Variants in ARHGAP20 observed in about 807,000 individuals in gnomAD.
ARHGAP20 encodes rho GTPase-activating protein 20.
ARHGAP20 carries 34 observed loss-of-function variants against 73.7 expected under a neutral mutation model. The ratio of observed to expected loss-of-function variants is 0.46; its 90% CI spans 0.35 to 0.61. ARHGAP20 has a LOEUF of 0.61. Among genes scored for constraint, ARHGAP20 ranks in the 20% least tolerant of loss-of-function variants. The pLI is 0.00. For missense variants in ARHGAP20, 1,314 were observed against 1,420.9 expected, an observed-to-expected ratio of 0.92 and a Z score of 1.21; for synonymous variants, 523 against 518.2, an observed-to-expected ratio of 1.01 and a Z score of -0.13.
chr11:110,669,851 A>G (rs1949794325), intron 2 of ARHGAP20, among the ~76,000 whole-genome samples: 1 of 152,188 alleles, frequency 6.6e-6, no homozygotes, highest in South Asian at 2.1e-4. Context: ...ACACACAAAT[A>G]CTTGTACATG....
chr11:110,609,623 G>A (rs1948319231), intron 7 of ARHGAP20, among the ~76,000 whole-genome samples: 1 of 152,072 alleles, frequency 6.6e-6, no homozygotes. Flanking sequence ...TTCACTAGCA[G>A]AATTATAATC....
At chr11:110,693,177 T>C (rs139129687) in intron 1 of ARHGAP20, among the ~76,000 whole-genome samples, 25 of 152,128 alleles carry the variant, frequency 1.6e-4, no homozygotes, top group Admixed American at 5.9e-4. Flanking sequence ...AATTGTCAGA[T>C]GTATAATGGG....
rs538912782 is a variant in ARHGAP20 at position 110,626,295 on chromosome 11, GA to G, written c.354-1985del. ...GGGAACATCCACATCCGTTGACCTGGAAAAAAAGTCATCCCAAAGATCCTTT... is the reference window on the plus strand; with the variant it reads ...GGGAACATCCACATCCGTTGACCTGGAAAAAAGTCATCCCAAAGATCCTTT... On this transcript the variant is annotated intron_variant, in intron 3 of 14. Coordinates refer to ENST00000683387, the MANE Select transcript of ARHGAP20 (RefSeq NM_001384657.1). Among the ~76,000 whole-genome samples, 4 of 152,122 alleles carry G rather than the reference GA, an allele frequency of 2.6e-5. No individual in the cohort carries two copies. In the East Asian group the frequency reaches 7.7e-4, roughly 29 times the overall value.
intron 9 of ARHGAP20, among the ~76,000 whole-genome samples, chr11:110,603,246 A>T (rs1202552618): frequency 2.6e-5 from 4 of 152,198 alleles, no homozygotes; most frequent in Non-Finnish European, 5.9e-5. Context: ...ATGGCTCAGC[A>T]CTGCTAGAGT....
chr11:110,693,125 C>G (rs1397752384), intron 1 of ARHGAP20, among the ~76,000 whole-genome samples: 2 of 152,028 alleles, frequency 1.3e-5, no homozygotes, highest in South Asian at 4.2e-4. Flanking sequence ...TGTAGAAGAT[C>G]ATTTGTATAA....
Position 110,599,444 on chromosome 11 carries a change from C to A in ARHGAP20, c.964+7117G>T, listed in dbSNP as rs547212460. 1.1e-4 allele frequency among the ~76,000 whole-genome samples: 16 copies of A among 152,342 alleles called. No individual in the cohort carries two copies. In the South Asian group the frequency reaches 1.9e-3, roughly 18 times the overall value. On this transcript the variant is annotated intron_variant, in intron 9 of 14. Transcript: ENST00000683387. Reference sequence around the variant, plus strand: ...GCATAGGAGGGAAGCCGATCGGGGGCTGAGGCAGCTCGGTGCTGGCCTGCA... The same window carrying A: ...GCATAGGAGGGAAGCCGATCGGGGGATGAGGCAGCTCGGTGCTGGCCTGCA...
intron 2 of ARHGAP20, among the ~76,000 whole-genome samples, chr11:110,682,673 C>T (rs901701925): frequency 2.6e-5 from 4 of 151,968 alleles, no homozygotes; most frequent in Non-Finnish European, 4.4e-5. Flanking sequence ...ACAAGCTTGA[C>T]ATTAATAGAT....
In ARHGAP20 at chr11:110,641,975, A is replaced by G. The variant is rs557478334; in HGVS notation, c.189-11183T>C. On this transcript the variant is annotated intron_variant, in intron 2 of 14. Transcript: ENST00000683387. Reference sequence around the variant, plus strand: ...TTCTGTTAGTTTGTTTATGGATTCAACAATGAACAAGGTCATCAATATGCT... The same window carrying G: ...TTCTGTTAGTTTGTTTATGGATTCAGCAATGAACAAGGTCATCAATATGCT... 8.5e-5 allele frequency among the ~76,000 whole-genome samples: 13 copies of G among 152,240 alleles called. No individual in the cohort carries two copies. In the South Asian group the frequency reaches 2.5e-3, roughly 29 times the overall value.
rs1400918009 is a variant in ARHGAP20 at position 110,578,113 on chromosome 11, A to AGAT, written c.*1254_*1256dup. ...CCTGATAATCTATTCCTAGGTGACG[A>AGAT]GATGTACTGCTGCAACCTTTAAGTC... On this transcript the variant is annotated 3_prime_UTR_variant, in exon 15 of 15. Transcript: ENST00000683387. The AGAT allele has an allele frequency of 1.8e-5, 18 of 985,370 alleles. No homozygotes were observed. The highest frequency in any genetic ancestry group is 2.2e-5 in the Non-Finnish European group (18 of 829,970). 61.0% of individuals were successfully genotyped at this position (985,370 alleles called of 1,614,324 possible).
Position 110,712,127 on chromosome 11 carries a change from C to A in ARHGAP20, c.105G>T (p.Lys35Asn). ...SRLAGGSCTK[K>N]KMKTLAERRR... The stretch of plus-strand genomic sequence containing the variant: ...ACGGGCCCCCGCTCAGCGTCCTCAC[C>A]TTCTTGGTGCAGCTGCCTCCCGCGA... The change falls in exon 1 of 15, where the codon AAG (lysine) becomes AAT (asparagine). Residue 35 changes from lysine (K) to asparagine (N), a missense_variant and splice_region_variant. This residue lies in a region of ARHGAP20 where 443 missense variants were observed against 466.4 expected (regional missense o/e 0.95). Transcript: ENST00000683387. The A allele has an allele frequency of 7.4e-7, 1 of 1,348,644 alleles. No individual in the cohort carries two copies. The highest frequency in any genetic ancestry group is 9.6e-7 in the Non-Finnish European group (1 of 1,046,170). 83.5% of individuals were successfully genotyped at this position (1,348,644 alleles called of 1,614,324 possible). A position where few individuals can be genotyped will look rare whatever the true frequency, so the allele number is the denominator to read the frequency against.
Position 110,579,160 on chromosome 11 carries a change from G to T in ARHGAP20, c.*210C>A. 8.1e-7 allele frequency: 1 copy of T among 1,232,658 alleles called. No individual in the cohort carries two copies. Among genetic ancestry groups the T allele is most frequent in the Non-Finnish European group, 1.0e-6 (1 of 981,796 alleles). The allele number at this position is 1,232,658 out of a possible 1,614,324, so 76.4% of individuals were successfully genotyped here. A position where few individuals can be genotyped will look rare whatever the true frequency, so the allele number is the denominator to read the frequency against. On this transcript the variant is annotated 3_prime_UTR_variant, in exon 15 of 15. Transcript: ENST00000683387. ...CAATCCCAACCTTTAATAAGAAAAAGCCTCCCAAACACTTAGGTGACAAAA... is the reference window on the plus strand; with the variant it reads ...CAATCCCAACCTTTAATAAGAAAAATCCTCCCAAACACTTAGGTGACAAAA...
chr11:110,583,721 G>A lies in ARHGAP20; in HGVS notation c.1432C>T (p.Pro478Ser). 6.3e-7 allele frequency: 1 copy of A among 1,582,740 alleles called. No individual in the cohort carries two copies. Reference protein sequence around the residue: ...NTVQRLLDQLPRANVVLLRYL... With the variant: ...NTVQRLLDQLSRANVVLLRYL... Reference sequence around the variant, plus strand: ...CTTAGGAGAACAACATTGGCTCTCGGAAGCTGGTCTAATAGCCTAAAGACA... The same window carrying A: ...CTTAGGAGAACAACATTGGCTCTCGAAAGCTGGTCTAATAGCCTAAAGACA... Residue 478 changes from proline (P) to serine (S), a missense_variant, in exon 13 of 15, where the codon CCG becomes TCG. Pro to Ser is a moderately conservative substitution (Grantham distance 74, BLOSUM62 -1). This residue lies in a region of ARHGAP20 where 230 missense variants were observed against 317.6 expected (regional missense o/e 0.72). Coordinates refer to ENST00000683387, the MANE Select transcript of ARHGAP20 (RefSeq NM_001384657.1).
chr11:110,597,007 T>C (rs1253670384), intron 9 of ARHGAP20, among the ~76,000 whole-genome samples: 2 of 152,018 alleles, frequency 1.3e-5, no homozygotes, highest in Non-Finnish European at 2.9e-5. Flanking sequence ...TGGATGAAAC[T>C]GGAAACCATC....
chr11:110,598,458 T>C (rs1410792904), intron 9 of ARHGAP20, among the ~76,000 whole-genome samples: 1 of 152,186 alleles, frequency 6.6e-6, no homozygotes, highest in African/African-American at 2.4e-5. Context: ...AGTAAGCCAT[T>C]CAATCTTTCA....
intron 14 of ARHGAP20, 89 bp from the exon 15 acceptor site, chr11:110,581,314 A>G: frequency 7.5e-7 from 1 of 1,330,954 alleles, no homozygotes; most frequent in South Asian, 1.6e-5. Flanking sequence ...TTTCATGTGA[A>G]GTGTTCAAAT....
intron 2 of ARHGAP20, among the ~76,000 whole-genome samples, chr11:110,640,476 C>G (rs1057375407): frequency 1.3e-5 from 2 of 151,960 alleles, no homozygotes; most frequent in Non-Finnish European, 2.9e-5. Flanking sequence ...TGAAATGAAG[C>G]TACAAAAACC....
At chr11:110,646,305 G>A (rs1219185538) in intron 2 of ARHGAP20, among the ~76,000 whole-genome samples, 2 of 152,054 alleles carry the variant, frequency 1.3e-5, no homozygotes, top group Non-Finnish European at 2.9e-5. Flanking sequence ...TCAATTAATT[G>A]ATTCATAACT....
At chr11:110,591,949 T>C in intron 10 of ARHGAP20, 28 bp downstream of exon 10, 4 of 1,609,296 alleles carry the variant, frequency 2.5e-6, no homozygotes, top group Non-Finnish European at 3.4e-6. Flanking sequence ...CCCTTTCCCA[T>C]CAGTTTACAG....
chr11:110,617,349 G>A (rs1246780360), intron 4 of ARHGAP20, among the ~76,000 whole-genome samples: 4 of 149,682 alleles, frequency 2.7e-5, no homozygotes, highest in East Asian at 2.0e-4. Flanking sequence ...CGCAACCTCC[G>A]CCTCCTGGGT....
Sources: allele counts gnomAD v4.1 joint callset (sites outside exome capture counted in the v4.1 genomes callset), GRCh38; gene constraint gnomAD v4.1.1; regional missense constraint gnomAD v4.1.1; transcripts MANE v1.5; gene names NCBI Gene and HGNC (gene_info 2026-07-23, HGNC 2026-07-21).